Variants in CGGBP1 observed in about 807,000 individuals in gnomAD.
The protein encoded by CGGBP1 is CGG triplet repeat-binding protein 1.
In CGGBP1, 4 loss-of-function variants were observed where a neutral mutation model predicts 11.4. The observed-to-expected ratio is 0.35, with a 90% CI of 0.17 to 0.80. The LOEUF (loss-of-function observed/expected upper bound fraction) is 0.80, where lower values mean the gene tolerates loss of function less well. Among genes scored for constraint, CGGBP1 ranks in the 30% least tolerant of loss-of-function variants. The pLI is 0.52. For synonymous variants in CGGBP1, 76 were observed against 74.1 expected (o/e 1.03, Z -0.13); for missense variants, 135 against 202.1 (o/e 0.67, Z 2.01).
intron 2 of CGGBP1, among the ~76,000 whole-genome samples, chr3:88,085,270 A>C (rs765087514): frequency 6.6e-6 from 1 of 152,310 alleles, no homozygotes; most frequent in African/African-American, 2.4e-5. Context: ...TTTGTAAGCC[A>C]TATTCTTTCT....
intron 2 of CGGBP1, among the ~76,000 whole-genome samples, chr3:88,124,677 T>TA (rs1250786103): frequency 3.3e-5 from 5 of 152,204 alleles, no homozygotes; most frequent in Non-Finnish European, 5.9e-5. Context: ...AAGCTTTGCT[T>TA]TATAACTGCT....
Position 88,055,528 on chromosome 3 carries a change from T to C in CGGBP1, c.449A>G (p.Tyr150Cys). The C allele has an allele frequency of 6.4e-7, 1 of 1,561,856 alleles. No individual in the cohort carries two copies. Among genetic ancestry groups the C allele is most frequent in the Non-Finnish European group, 8.7e-7 (1 of 1,151,378 alleles). ...CTCATTCTCATATCCATCAGGAAGA[T>C]ATGCCCTCCGTAGCTGGTCTGACTT... ...IPKSDQLRRA[Y>C]LPDGYENENQ... is the part of the protein sequence containing the mutation. Residue 150 changes from tyrosine (Y) to cysteine (C), a missense_variant, in exon 4 of 4, where the codon TAT (tyrosine) becomes TGT (cysteine). Physicochemically the swap from Tyr to Cys is radical, Grantham distance 194 (BLOSUM62 -2). Coordinates refer to ENST00000482016, the MANE Select transcript of CGGBP1 (RefSeq NM_001008390.2). This position sits in a 1 kb window ranked among gnomAD's most constrained non-coding sequence, Gnocchi z 4.2.
intron 2 of CGGBP1, among the ~76,000 whole-genome samples, chr3:88,118,400 G>A (rs1705545521): frequency 6.6e-6 from 1 of 152,120 alleles, no homozygotes; most frequent in Non-Finnish European, 1.5e-5. Flanking sequence ...AGGTAAAAGA[G>A]CCAGCCACAT....
At chr3:88,113,469 T>C (rs1246995085) in intron 2 of CGGBP1, among the ~76,000 whole-genome samples, 1 of 152,188 alleles carries the variant, frequency 6.6e-6, no homozygotes, top group Non-Finnish European at 1.5e-5. Flanking sequence ...AACTTAGTCC[T>C]GGTGAAAAAC....
intron 2 of CGGBP1, among the ~76,000 whole-genome samples, chr3:88,125,015 A>G (rs555235698): frequency 5.6e-4 from 85 of 152,260 alleles, no homozygotes; most frequent in African/African-American, 1.9e-3. Flanking sequence ...AGAGATTGAG[A>G]CTATCCTGGC....
intron 2 of CGGBP1, among the ~76,000 whole-genome samples, chr3:88,123,023 A>G (rs1705869788): frequency 6.6e-6 from 1 of 151,656 alleles, no homozygotes; most frequent in South Asian, 2.1e-4. Context: ...AAAAAAAAAA[A>G]AAAGTAAAAA....
Position 88,087,362 on chromosome 3 carries a change from A to G in CGGBP1, c.-228-29139T>C, listed in dbSNP as rs551339472. 1.0e-3 allele frequency among the ~76,000 whole-genome samples: 159 copies of G among 152,326 alleles called. 1 individual carries two copies. The highest frequency in any genetic ancestry group is 3.8e-3 in the African/African-American group (156 of 41,572). On this transcript the variant is annotated intron_variant, in intron 2 of 3. Transcript: ENST00000462901. ...AGTGCTGGGATTACAGGCGTGAGCT[A>G]CCACACCTGGCTGAAAATCCTGGTT...
intron 2 of CGGBP1, among the ~76,000 whole-genome samples, chr3:88,065,856 C>G (rs915640385): frequency 6.6e-6 from 1 of 152,072 alleles, no homozygotes; most frequent in African/African-American, 2.4e-5. Flanking sequence ...CAGCCCCCAC[C>G]CCCAGTAGCT....
chr3:88,074,499 G>A (rs1482736494), intron 2 of CGGBP1, among the ~76,000 whole-genome samples: 1 of 151,960 alleles, frequency 6.6e-6, no homozygotes, highest in Non-Finnish European at 1.5e-5. Context: ...CTGCCTCCAT[G>A]CCTGGCTAAT....
intron 2 of CGGBP1, among the ~76,000 whole-genome samples, chr3:88,099,288 C>G (rs1370261336): frequency 6.6e-6 from 1 of 152,074 alleles, no homozygotes; most frequent in African/African-American, 2.4e-5. Flanking sequence ...TGTGAAGGAC[C>G]TCTTCAAGGA....
At chr3:88,081,116 G>A (rs973951805) in intron 2 of CGGBP1, among the ~76,000 whole-genome samples, 1 of 152,052 alleles carries the variant, frequency 6.6e-6, no homozygotes, top group Non-Finnish European at 1.5e-5. Flanking sequence ...CCCTCAGTTT[G>A]GGTTTGTCTG....
rs560004602 is a variant in CGGBP1 at position 88,121,452 on chromosome 3, T to TC, written c.-229+19517dup. On this transcript the variant is annotated intron_variant, in intron 2 of 3. Coordinates refer to the CGGBP1 transcript ENST00000462901. ...TAAATCATTTTCTTTGTAAAAACTT[T>TC]CTATTGAAAAACAGTAACTTCTTTC... is the stretch of plus-strand genomic sequence containing the variant. Among the ~76,000 whole-genome samples, 92 of 152,274 alleles carry TC rather than the reference T, an allele frequency of 6.0e-4. No homozygotes were observed. In the East Asian group the frequency reaches 0.015, roughly 25 times the overall value.
upstream of CGGBP1, among the ~76,000 whole-genome samples, chr3:88,061,395 A>T (rs1706875585): frequency 6.6e-6 from 1 of 152,202 alleles, no homozygotes; most frequent in African/African-American, 2.4e-5. Context: ...TATCCAAGGA[A>T]ATAAAACAGG....
intron 2 of CGGBP1, among the ~76,000 whole-genome samples, chr3:88,100,738 C>T (rs1384938307): frequency 6.6e-6 from 1 of 151,972 alleles, no homozygotes; most frequent in Non-Finnish European, 1.5e-5. Flanking sequence ...CATGTTCTCA[C>T]TCATAGGTGG....
chr3:88,080,668 C>A (rs1484637877), intron 2 of CGGBP1, among the ~76,000 whole-genome samples: 1 of 151,974 alleles, frequency 6.6e-6, no homozygotes, highest in Admixed American at 6.6e-5. Flanking sequence ...TGACTCTTAA[C>A]CATAATACCT....
chr3:88,125,193 C>A (rs4555548), intron 2 of CGGBP1, among the ~76,000 whole-genome samples: 117,931 of 150,032 alleles, frequency 0.79, 47,126 homozygotes, highest in South Asian at 0.91. Context: ...CCAGCCTGGG[C>A]ATCAAAGTTA....
chr3:88,114,896 A>G (rs1373094621), intron 2 of CGGBP1, among the ~76,000 whole-genome samples: 1 of 152,230 alleles, frequency 6.6e-6, no homozygotes, highest in Non-Finnish European at 1.5e-5. Flanking sequence ...ATAGTGACCA[A>G]TAGTGATAAG....
chr3:88,145,015 A>G (rs1312201153), intron 1 of CGGBP1, among the ~76,000 whole-genome samples: 1 of 152,056 alleles, frequency 6.6e-6, no homozygotes, highest in Non-Finnish European at 1.5e-5. Context: ...CAGTAGATAA[A>G]TTTGTCTACA....
At chr3:88,077,960 A>C (rs1418114851) in intron 2 of CGGBP1, among the ~76,000 whole-genome samples, 7 of 152,188 alleles carry the variant, frequency 4.6e-5, no homozygotes, top group Non-Finnish European at 1.0e-4. Context: ...GACTATTATG[A>C]ATGTAAATAA....
Sources: allele counts gnomAD v4.1 joint callset (sites outside exome capture counted in the v4.1 genomes callset), GRCh38; gene constraint gnomAD v4.1.1; non-coding constraint Gnocchi (gnomAD v3.1); transcripts MANE v1.5; gene names NCBI Gene and HGNC (gene_info 2026-07-23, HGNC 2026-07-21).